Variants in SNTB1 observed in about 807,000 individuals in gnomAD.
SNTB1 encodes beta-1-syntrophin.
Under a neutral mutation model 48.9 loss-of-function variants are expected in SNTB1, and 36 were observed. The observed-to-expected ratio is 0.74, with a 90% CI of 0.56 to 0.97. The LOEUF (loss-of-function observed/expected upper bound fraction) is 0.97, where lower values mean the gene tolerates loss of function less well. Among genes scored for constraint, SNTB1 ranks in the 50% least tolerant of loss-of-function variants. The probability of loss-of-function intolerance (pLI) is 0.00; values close to 1 mark genes in which losing one functional copy is unlikely to be tolerated. For missense variants in SNTB1, 786 were observed against 703.4 expected, an observed-to-expected ratio of 1.12 and a Z score of -1.33; for synonymous variants, 299 against 294.6, an observed-to-expected ratio of 1.01 and a Z score of -0.15.
In SNTB1 at chr8:120,723,079, C is replaced by T. The variant is rs147866625; in HGVS notation, c.572-29171G>A. 2.9e-3 allele frequency among the ~76,000 whole-genome samples: 435 copies of T among 152,106 alleles called. 3 individuals are homozygous for T. The highest frequency in any genetic ancestry group is 0.01 in the African/African-American group (416 of 41,496). ...CAAAGATCAGATGGTTGTAGATGTG[C>T]GGTGTTATTTCTGAGTCCTCTGTTC... On this transcript the variant is annotated intron_variant, in intron 1 of 6. Coordinates refer to ENST00000517992, the MANE Select transcript of SNTB1 (RefSeq NM_021021.4).
At chr8:120,801,123 A>C (rs1033538352) in intron 1 of SNTB1, among the ~76,000 whole-genome samples, 2 of 152,082 alleles carry the variant, frequency 1.3e-5, no homozygotes, top group Non-Finnish European at 2.9e-5. Flanking sequence ...CTAAAAATGA[A>C]GCAGAGAACA....
intron 1 of SNTB1, among the ~76,000 whole-genome samples, chr8:120,720,715 G>T (rs148229568): frequency 6.6e-6 from 1 of 152,350 alleles, no homozygotes; most frequent in Non-Finnish European, 1.5e-5. Flanking sequence ...GTGACTTGCA[G>T]AAGTCATTAC....
At chr8:120,779,381 T>C (rs917166803) in intron 1 of SNTB1, among the ~76,000 whole-genome samples, 7 of 152,150 alleles carry the variant, frequency 4.6e-5, no homozygotes, top group Non-Finnish European at 7.4e-5. Flanking sequence ...TGTGTGCCTG[T>C]AGTCCCAGCT....
At chr8:120,805,574 TC>T (rs1325280359) in intron 1 of SNTB1, among the ~76,000 whole-genome samples, 1 of 151,962 alleles carries the variant, frequency 6.6e-6, no homozygotes, top group Non-Finnish European at 1.5e-5. Context: ...AAAAAGGTTC[TC>T]CCCTAGACAT....
intron 4 of SNTB1, chr8:120,571,248 T>C (rs72680558): frequency 0.19 from 241,251 of 1,258,538 alleles, 25,060 homozygotes; most frequent in Middle Eastern, 0.27. Flanking sequence ...CATTTCAAGA[T>C]GCTTGGGTCC....
intron 3 of SNTB1, among the ~76,000 whole-genome samples, chr8:120,602,898 A>G (rs531600886): frequency 6.6e-6 from 1 of 152,024 alleles, no homozygotes; most frequent in African/African-American, 2.4e-5. Flanking sequence ...AACTTTTAAA[A>G]AGCGTTTAAA....
At chr8:120,745,781 C>G (rs1433271590) in intron 1 of SNTB1, among the ~76,000 whole-genome samples, 1 of 152,182 alleles carries the variant, frequency 6.6e-6, no homozygotes, top group Non-Finnish European at 1.5e-5. Context: ...TAATCCTTAA[C>G]AGCTGCCATG....
chr8:120,689,179 G>C (rs1818083886), intron 2 of SNTB1, among the ~76,000 whole-genome samples: 2 of 152,194 alleles, frequency 1.3e-5, no homozygotes, highest in Admixed American at 1.3e-4. Flanking sequence ...TGTTGTATTT[G>C]AGAAATTGAA....
chr8:120,593,990 C>T (rs1340035593), intron 3 of SNTB1, among the ~76,000 whole-genome samples: 1 of 152,084 alleles, frequency 6.6e-6, no homozygotes, highest in Non-Finnish European at 1.5e-5. Flanking sequence ...TTTTATGGGC[C>T]TTTGATACTT....
intron 2 of SNTB1, among the ~76,000 whole-genome samples, chr8:120,633,461 C>T (rs1256148239): frequency 6.6e-6 from 1 of 151,994 alleles, no homozygotes; most frequent in African/African-American, 2.4e-5. Context: ...AAAAATTAGC[C>T]GGGCATGATG....
chr8:120,699,810 AATG>A (rs894087959), intron 1 of SNTB1, among the ~76,000 whole-genome samples: 1 of 152,196 alleles, frequency 6.6e-6, no homozygotes, highest in African/African-American at 2.4e-5. Flanking sequence ...TACTGGGGAA[AATG>A]AAGAGAATAA....
intron 3 of SNTB1, among the ~76,000 whole-genome samples, chr8:120,600,854 GCC>G (rs1816410680): frequency 6.6e-6 from 1 of 151,852 alleles, no homozygotes; most frequent in East Asian, 2.0e-4. Flanking sequence ...ACAGGGCAGG[GCC>G]ATCCTGGGAA....
chr8:120,551,661 G>A (rs1815482269), intron 4 of SNTB1, among the ~76,000 whole-genome samples: 1 of 148,980 alleles, frequency 6.7e-6, no homozygotes, highest in East Asian at 2.0e-4. Context: ...GGGAGGCAGA[G>A]GTTGCAGTGA....
chr8:120,811,476 A>G lies in SNTB1; in HGVS notation c.368T>C (p.Leu123Pro). The G allele has an allele frequency of 6.2e-7, 1 of 1,613,924 alleles. No individual in the cohort carries two copies. Among genetic ancestry groups the G allele is most frequent in the Non-Finnish European group, 8.5e-7 (1 of 1,179,902 alleles). Residue 123 changes from leucine (L) to proline (P), a missense_variant, in exon 1 of 7, where the codon CTG becomes CCG. Physicochemically the swap from Leu to Pro is moderately conservative, Grantham distance 98. Transcript: ENST00000517992. ...CTTGCCCCCCTTGATGCTGATCCCC[A>G]GCCCGCCCAGCTCCTGCTTCAGCAC... ...VKVLKQELGG[L>P]GISIKGGKEN...
intron 3 of SNTB1, among the ~76,000 whole-genome samples, chr8:120,619,097 T>A (rs1468813789): frequency 6.6e-6 from 1 of 152,202 alleles, no homozygotes; most frequent in South Asian, 2.1e-4. Context: ...CAATTTCTGG[T>A]ATCTTGCAGT....
chr8:120,682,121 G>A (rs1817941111), intron 2 of SNTB1, among the ~76,000 whole-genome samples: 1 of 151,666 alleles, frequency 6.6e-6, no homozygotes. Context: ...GGTAATGTAA[G>A]CAATAGAGAA....
chr8:120,589,485 T>C (rs1816203848), intron 3 of SNTB1, among the ~76,000 whole-genome samples: 1 of 152,230 alleles, frequency 6.6e-6, no homozygotes, highest in Non-Finnish European at 1.5e-5. Context: ...CAATTGCCCA[T>C]CCATCTTAGT....
chr8:120,683,987 A>G (rs1287131753), intron 2 of SNTB1, among the ~76,000 whole-genome samples: 1 of 152,230 alleles, frequency 6.6e-6, no homozygotes, highest in Non-Finnish European at 1.5e-5. Flanking sequence ...TTAGTCTGCT[A>G]TAACAAAATA....
At chr8:120,638,209 G>A (rs1290258604) in intron 2 of SNTB1, 1 of 152,134 alleles carries the variant, frequency 6.6e-6, no homozygotes, top group Non-Finnish European at 1.5e-5. Context: ...AATAAGAAAG[G>A]TTGGATTTTC....
Sources: allele counts gnomAD v4.1 joint callset (sites outside exome capture counted in the v4.1 genomes callset), GRCh38; gene constraint gnomAD v4.1.1; transcripts MANE v1.5; gene names NCBI Gene and HGNC (gene_info 2026-07-23, HGNC 2026-07-21).